The following PDE4B variants were observed in gnomAD, a reference collection of about 807,000 sequenced individuals.
PDE4B encodes phosphodiesterase 4B.
Under a neutral mutation model 82.2 loss-of-function variants are expected in PDE4B, and 20 were observed. The observed-to-expected ratio is 0.24, with a 90% CI of 0.17 to 0.35. The LOEUF is 0.35. Ranked by LOEUF, PDE4B falls within the 10% of genes least tolerant of loss-of-function variation. The pLI, the probability that PDE4B is intolerant of heterozygous loss-of-function variation, is 1.00. For synonymous variants in PDE4B, 320 were observed against 318.9 expected (o/e 1.00, Z -0.04); for missense variants, 655 against 907.2 (o/e 0.72, Z 3.57).
chr1:66,003,063 G>GTTTTT (rs903657389), intron 3 of PDE4B, among the ~76,000 whole-genome samples: 8 of 151,498 alleles, frequency 5.3e-5, no homozygotes, highest in South Asian at 2.1e-4. Flanking sequence ...GCAGGAACTA[G>GTTTTT]TTTTTTTTTA....
In PDE4B at chr1:66,367,855, G is replaced by C. The variant is rs766796991; in HGVS notation, c.1539+5G>C. On this transcript the variant is annotated splice_donor_5th_base_variant and intron_variant, in intron 14 of 16. Coordinates refer to ENST00000341517, the MANE Select transcript of PDE4B (RefSeq NM_002600.4). ...AGGAAGATGGTTATTGACATGGTAA[G>C]ACTTTAGCCTCTCTACATTCCTCAC... The C allele has an allele frequency of 1.9e-6, 3 of 1,613,230 alleles. No homozygotes were observed. Among genetic ancestry groups the C allele is most frequent in the Non-Finnish European group, 8.5e-7 (1 of 1,179,454 alleles).
intron 3 of PDE4B, among the ~76,000 whole-genome samples, chr1:66,097,751 CTGT>C (rs527720540): frequency 3.3e-4 from 50 of 151,682 alleles, no homozygotes; most frequent in African/African-American, 1.1e-3. Context: ...TCTATTATAT[CTGT>C]TATTTTTAGT....
intron 1 of PDE4B, among the ~76,000 whole-genome samples, chr1:65,870,017 A>G (rs1463997732): frequency 6.6e-6 from 1 of 152,204 alleles, no homozygotes; most frequent in Non-Finnish European, 1.5e-5. Flanking sequence ...GAACTAAGAC[A>G]GCTCACATAT....
chr1:66,358,333 T>C (rs1662434197), intron 9 of PDE4B, among the ~76,000 whole-genome samples: 1 of 152,188 alleles, frequency 6.6e-6, no homozygotes, highest in Non-Finnish European at 1.5e-5. Context: ...ATATATCATT[T>C]TGGAAACAAG....
chr1:65,993,190 T>G (rs746649776), intron 3 of PDE4B: 15 of 1,357,576 alleles, frequency 1.1e-5, no homozygotes, highest in South Asian at 1.3e-5. Context: ...GATTCTCGCA[T>G]TAGCACCAGT....
intron 1 of PDE4B, among the ~76,000 whole-genome samples, chr1:65,821,770 A>G (rs1458807648): frequency 6.6e-6 from 1 of 152,220 alleles, no homozygotes; most frequent in Non-Finnish European, 1.5e-5. Context: ...CCTGGCATGC[A>G]TAAGAATCAA....
chr1:66,116,624 C>T (rs1210505509), intron 3 of PDE4B, among the ~76,000 whole-genome samples: 4 of 152,188 alleles, frequency 2.6e-5, no homozygotes, highest in Non-Finnish European at 5.9e-5. Context: ...GTGGCAGTTG[C>T]ACAATCACAG....
At chr1:66,245,641 T>G (rs914772138) in intron 3 of PDE4B, among the ~76,000 whole-genome samples, 5 of 152,238 alleles carry the variant, frequency 3.3e-5, no homozygotes, top group Non-Finnish European at 5.9e-5. Flanking sequence ...TGAGTGATTG[T>G]CCACCTGCCT....
chr1:65,944,048 G>A (rs1024218942), intron 3 of PDE4B, among the ~76,000 whole-genome samples: 2 of 151,904 alleles, frequency 1.3e-5, no homozygotes, highest in East Asian at 3.9e-4. Context: ...GTGAGAGTGG[G>A]CATCATTGTC....
intron 3 of PDE4B, among the ~76,000 whole-genome samples, chr1:66,096,118 C>G (rs550974372): frequency 6.6e-6 from 1 of 151,644 alleles, no homozygotes; most frequent in African/African-American, 2.4e-5. Flanking sequence ...TGACTTATTT[C>G]CCCTATCTAG....
chr1:66,046,734 A>C (rs1264673290), intron 3 of PDE4B, among the ~76,000 whole-genome samples: 4 of 151,894 alleles, frequency 2.6e-5, no homozygotes, highest in Non-Finnish European at 5.9e-5. Context: ...ATTAACAGTA[A>C]GGAGTGAGGG....
chr1:66,155,410 G>T (rs1422212708), intron 3 of PDE4B, among the ~76,000 whole-genome samples: 1 of 151,942 alleles, frequency 6.6e-6, no homozygotes, highest in Non-Finnish European at 1.5e-5. Flanking sequence ...CATGATTTCA[G>T]ATTCAAAAAT....
intron 1 of PDE4B, among the ~76,000 whole-genome samples, chr1:65,851,297 CAT>C (rs1324503111): frequency 7.0e-4 from 106 of 152,018 alleles, no homozygotes; most frequent in Non-Finnish European, 1.3e-3. Flanking sequence ...GCTATTTTAG[CAT>C]TTTTTTCTTT....
At chr1:65,979,813 A>G (rs891086891) in intron 3 of PDE4B, among the ~76,000 whole-genome samples, 1 of 152,178 alleles carries the variant, frequency 6.6e-6, no homozygotes, top group African/African-American at 2.4e-5. Flanking sequence ...ACTGAGGTAA[A>G]TGAAACACCA....
chr1:66,060,578 T>A (rs1655534598), intron 3 of PDE4B, among the ~76,000 whole-genome samples: 1 of 152,196 alleles, frequency 6.6e-6, no homozygotes, highest in African/African-American at 2.4e-5. Context: ...ACACTTTGTA[T>A]TGATTACATG....
chr1:66,118,501 C>G (rs942781012), intron 3 of PDE4B, among the ~76,000 whole-genome samples: 1 of 151,050 alleles, frequency 6.6e-6, no homozygotes, highest in East Asian at 2.0e-4. Flanking sequence ...TGTTCTCACT[C>G]ATAGGTGGGA....
intron 3 of PDE4B, among the ~76,000 whole-genome samples, chr1:65,942,000 A>G (rs1648471241): frequency 6.6e-6 from 1 of 151,984 alleles, no homozygotes; most frequent in Non-Finnish European, 1.5e-5. Flanking sequence ...TACCCAAAAC[A>G]CTATTTTTCA....
chr1:65,904,110 G>A (rs1183362309), intron 1 of PDE4B, among the ~76,000 whole-genome samples: 1 of 151,978 alleles, frequency 6.6e-6, no homozygotes, highest in Non-Finnish European at 1.5e-5. Context: ...CCCAAGAAAG[G>A]AAAAAAAGTT....
At chr1:65,867,267 A>C (rs540620887) in intron 1 of PDE4B, among the ~76,000 whole-genome samples, 2 of 152,324 alleles carry the variant, frequency 1.3e-5, no homozygotes, top group East Asian at 3.9e-4. Context: ...ACTTCAAAAA[A>C]AGTGTTTTCA....
Sources: gnomAD v4.1 joint callset for allele counts (sites outside exome capture counted in the v4.1 genomes callset) on GRCh38, gnomAD v4.1.1 for gene constraint, MANE v1.5 for transcripts, NCBI Gene and HGNC (gene_info 2026-07-23, HGNC 2026-07-21) for gene names.